RASGRF2: variants seen among roughly 807,000 people sequenced by gnomAD.
RASGRF2 encodes the protein ras-specific guanine nucleotide-releasing factor 2.
RASGRF2 carries 76 observed loss-of-function variants against 151.0 expected under a neutral mutation model. The ratio of observed to expected loss-of-function variants is 0.50; its 90% CI spans 0.42 to 0.61. The LOEUF (loss-of-function observed/expected upper bound fraction) is 0.61, where lower values mean the gene tolerates loss of function less well. RASGRF2 is among the 20% of genes least tolerant of loss of function. RASGRF2 has a pLI of 0.00. For missense variants in RASGRF2, 1,148 were observed against 1,564.6 expected, an observed-to-expected ratio of 0.73 and a Z score of 4.49; for synonymous variants, 504 against 566.5, an observed-to-expected ratio of 0.89 and a Z score of 1.57.
intron 17 of RASGRF2, among the ~76,000 whole-genome samples, chr5:81,129,815 A>G (rs1753567771): frequency 6.6e-6 from 1 of 152,190 alleles, no homozygotes; most frequent in Non-Finnish European, 1.5e-5. Flanking sequence ...AAAGTGAAGG[A>G]CAAGAACATC....
chr5:81,035,629 A>T (rs1241135009), intron 1 of RASGRF2, among the ~76,000 whole-genome samples: 2 of 152,158 alleles, frequency 1.3e-5, no homozygotes, highest in African/African-American at 4.8e-5. Flanking sequence ...AAATTAAAAA[A>T]AAAACAACTT....
chr5:81,182,680 C>T (rs1042307564), intron 18 of RASGRF2, among the ~76,000 whole-genome samples: 2 of 152,290 alleles, frequency 1.3e-5, no homozygotes, highest in Non-Finnish European at 2.9e-5. Flanking sequence ...ACACAGTCTT[C>T]GGGCCTCATT....
In RASGRF2 at chr5:81,093,005, A is replaced by G. The variant is rs1561605406; in HGVS notation, c.1551+44A>G. The stretch of plus-strand genomic sequence containing the variant: ...TGTTCCATTTATCTTCCAAGCACTT[A>G]CAAGTTATTGAAGTTAACTCATTTG... On this transcript the variant is annotated intron_variant, in intron 10 of 26. Transcript: ENST00000265080. 2.7e-6 allele frequency: 4 copies of G among 1,470,080 alleles called. No homozygotes were observed. The East Asian group carries it at 9.3e-5, about 34-fold the overall frequency. 91.1% of individuals were successfully genotyped at this position (1,470,080 alleles called of 1,614,324 possible).
In RASGRF2 at chr5:81,016,705, A is replaced by G. The variant is rs151052145; in HGVS notation, c.289-26172A>G. ...TAAAAAATAGAAATAAAGGAAGAAT[A>G]TATTTTAAGACAGTGTATAAAAGCT... is the stretch of plus-strand genomic sequence containing the variant. On this transcript the variant is annotated intron_variant, in intron 1 of 26. Coordinates refer to ENST00000265080, the MANE Select transcript of RASGRF2 (RefSeq NM_006909.3). Among the ~76,000 whole-genome samples the G allele has an allele frequency of 4.8e-3, 736 of 152,338 alleles. 7 individuals are homozygous for G. The highest frequency in any genetic ancestry group is 0.017 in the African/African-American group (708 of 41,582).
intron 18 of RASGRF2, among the ~76,000 whole-genome samples, chr5:81,182,423 T>C (rs1754936972): frequency 6.6e-6 from 1 of 152,226 alleles, no homozygotes; most frequent in Non-Finnish European, 1.5e-5. Context: ...CCTCATCCTC[T>C]CTGTATGAGT....
At chr5:81,208,913 C>T (rs1227533119) in intron 22 of RASGRF2, among the ~76,000 whole-genome samples, 1 of 152,116 alleles carries the variant, frequency 6.6e-6, no homozygotes, top group Non-Finnish European at 1.5e-5. Context: ...TCTAAGAGCT[C>T]ACAGTAATGT....
chr5:81,135,463 A>T (rs535956900), intron 17 of RASGRF2, among the ~76,000 whole-genome samples: 1 of 152,318 alleles, frequency 6.6e-6, no homozygotes, highest in African/African-American at 2.4e-5. Flanking sequence ...TGCAACTGCT[A>T]ATCTCTTTTC....
chr5:81,054,048 G>GA (rs1355244205), intron 2 of RASGRF2, among the ~76,000 whole-genome samples: 1 of 152,064 alleles, frequency 6.6e-6, no homozygotes, highest in Non-Finnish European at 1.5e-5. Context: ...TGAGTAGATT[G>GA]AAAAAATTTT....
In RASGRF2 at chr5:81,123,591, A is replaced by G. The variant is rs757085695; in HGVS notation, c.2471-51A>G. 3.1e-6 allele frequency: 5 copies of G among 1,587,736 alleles called. No individual in the cohort carries two copies. In the South Asian group the frequency reaches 3.5e-5, roughly 11 times the overall value. On this transcript the variant is annotated intron_variant, in intron 15 of 26. Coordinates refer to ENST00000265080, the MANE Select transcript of RASGRF2 (RefSeq NM_006909.3). ...GTTTCCATGCATGATACTGACAAGA[A>G]GCTCTTGAATTCATGGCCTGGTTGT...
chr5:81,183,682 C>T lies in RASGRF2; in HGVS notation c.2793+3401C>T, dbSNP rs1226129201. ...GGTTTCTCTCATGTGCCTTGTCTAT[C>T]AATCAGCAGAGGGAACAGCAGCCCA... On this transcript the variant is annotated intron_variant, in intron 18 of 26. Coordinates refer to ENST00000265080, the MANE Select transcript of RASGRF2 (RefSeq NM_006909.3). Among the ~76,000 whole-genome samples the T allele has an allele frequency of 1.1e-4, 16 of 152,290 alleles. No homozygotes were observed. The South Asian group carries it at 1.7e-3, about 16-fold the overall frequency.
intron 1 of RASGRF2, among the ~76,000 whole-genome samples, chr5:80,971,028 T>A (rs1217835812): frequency 1.3e-5 from 2 of 152,246 alleles, no homozygotes; most frequent in Admixed American, 6.5e-5. Flanking sequence ...CTTTTTTATA[T>A]TTTAAAAATT....
At chr5:80,962,820 T>C (rs1330517046) in intron 1 of RASGRF2, among the ~76,000 whole-genome samples, 2 of 152,258 alleles carry the variant, frequency 1.3e-5, no homozygotes, top group East Asian at 3.8e-4. Context: ...ATGGTTGTCC[T>C]AAATAGGCCA....
In RASGRF2 at chr5:80,960,923, C is replaced by T. The variant is rs1328888028; in HGVS notation, c.185C>T (p.Pro62Leu). The change falls in exon 1 of 27, where the codon CCG becomes CTG. Residue 62 changes from proline to leucine, a missense_variant. This residue lies in a region of RASGRF2 where 221 missense variants were observed against 271.3 expected (regional missense o/e 0.81). Transcript: ENST00000265080. This position sits in a 1 kb window ranked among gnomAD's most constrained non-coding sequence, Gnocchi z 5.5. ...FYFEGEQSCRPAGMYLLEGCS... is the reference protein window; with the variant it reads ...FYFEGEQSCRLAGMYLLEGCS... Reference sequence around the variant, plus strand: ...TTCGAGGGCGAGCAGAGCTGCCGCCCGGCGGGCATGTACCTCCTGGAGGGC... The same window carrying T: ...TTCGAGGGCGAGCAGAGCTGCCGCCTGGCGGGCATGTACCTCCTGGAGGGC... The T allele has an allele frequency of 1.9e-6, 3 of 1,598,864 alleles. No individual in the cohort carries two copies. Among genetic ancestry groups the T allele is most frequent in the Admixed American group, 3.4e-5 (2 of 59,568 alleles).
intron 15 of RASGRF2, among the ~76,000 whole-genome samples, chr5:81,123,399 A>G (rs1753364738): frequency 6.6e-6 from 1 of 152,232 alleles, no homozygotes; most frequent in Admixed American, 6.5e-5. Flanking sequence ...CTGCTGCTGC[A>G]TTTGACAGAA....
At chr5:81,147,720 C>T (rs138216673) in intron 17 of RASGRF2, among the ~76,000 whole-genome samples, 1 of 152,284 alleles carries the variant, frequency 6.6e-6, no homozygotes, top group East Asian at 1.9e-4. Flanking sequence ...ATGGTAACAG[C>T]GCAGATGTTA....
chr5:81,204,886 C>A (rs984309443), intron 19 of RASGRF2, among the ~76,000 whole-genome samples: 1 of 152,164 alleles, frequency 6.6e-6, no homozygotes, highest in Admixed American at 6.5e-5. Flanking sequence ...TGGGAGCTAA[C>A]TAACTTTTTG....
intron 22 of RASGRF2, among the ~76,000 whole-genome samples, chr5:81,208,659 C>T (rs1300311301): frequency 7.5e-6 from 1 of 132,936 alleles, no homozygotes; most frequent in African/African-American, 2.7e-5. Flanking sequence ...TCAAGCAATT[C>T]CCCTGCCTCA....
At chr5:81,031,237 TCAA>T (rs1358753023) in intron 1 of RASGRF2, among the ~76,000 whole-genome samples, 2 of 151,982 alleles carry the variant, frequency 1.3e-5, no homozygotes, top group Non-Finnish European at 2.9e-5. Flanking sequence ...ATTAAACAGA[TCAA>T]CGAGACAGAA....
chr5:81,103,330 A>C (rs1361020122), intron 12 of RASGRF2, among the ~76,000 whole-genome samples: 2 of 152,076 alleles, frequency 1.3e-5, no homozygotes, highest in African/African-American at 4.8e-5. Context: ...CTATAGATAG[A>C]TATAGATATA....
Sources: gnomAD v4.1 joint callset for allele counts (sites outside exome capture counted in the v4.1 genomes callset) on GRCh38, gnomAD v4.1.1 for gene constraint, gnomAD v4.1.1 regional missense constraint, Gnocchi (gnomAD v3.1) non-coding constraint, MANE v1.5 for transcripts, NCBI Gene and HGNC (gene_info 2026-07-23, HGNC 2026-07-21) for gene names.